Variants in LOXL4 observed in about 807,000 individuals in gnomAD.
LOXL4 encodes the protein lysyl oxidase homolog 4.
A neutral mutation model predicts 89.1 loss-of-function variants in LOXL4; 72 were observed. The ratio of observed to expected loss-of-function variants is 0.81; its 90% CI spans 0.67 to 0.98. The LOEUF (loss-of-function observed/expected upper bound fraction) is 0.98. Ranked by LOEUF, LOXL4 falls within the 50% of genes least tolerant of loss-of-function variation. The pLI, the probability that LOXL4 is intolerant of heterozygous loss-of-function variation, is 0.00. For synonymous variants in LOXL4, 355 were observed against 392.1 expected (o/e 0.91, Z 1.12); for missense variants, 984 against 1,017.5 (o/e 0.97, Z 0.45).
Position 98,256,767 on chromosome 10 carries a change from C to G in LOXL4, c.1428+13G>C. 1 of 1,613,948 alleles carries G rather than the reference C, an allele frequency of 6.2e-7. No homozygotes were observed. Among genetic ancestry groups the G allele is most frequent in the Non-Finnish European group, 8.5e-7 (1 of 1,180,026 alleles). ...GTGAGAGGTCATACGGAAGAAACAACAGAGGGACCTACCTTGTAGGCATGG... is the reference window on the plus strand; with the variant it reads ...GTGAGAGGTCATACGGAAGAAACAAGAGAGGGACCTACCTTGTAGGCATGG... On this transcript the variant is annotated intron_variant, in intron 9 of 14. Coordinates refer to ENST00000260702, the MANE Select transcript of LOXL4 (RefSeq NM_032211.7).
chr10:98,254,898 A>G (rs1260312492), intron 10 of LOXL4, among the ~76,000 whole-genome samples: 1 of 152,216 alleles, frequency 6.6e-6, no homozygotes, highest in Non-Finnish European at 1.5e-5. Context: ...ACAAAGATGA[A>G]GGATATCTTG....
intron 1 of LOXL4, among the ~76,000 whole-genome samples, chr10:98,267,397 G>A (rs1249295248): frequency 3.9e-5 from 6 of 152,198 alleles, no homozygotes; most frequent in Admixed American, 3.9e-4. Flanking sequence ...AGGAGATGCT[G>A]GGACCTGGCC....
chr10:98,261,247 C>A, intron 3 of LOXL4, 120 bp from the exon 4 acceptor site: 1 of 1,049,504 alleles, frequency 9.5e-7, no homozygotes, highest in Non-Finnish European at 1.4e-6. Flanking sequence ...CCACCCAGCC[C>A]GGTCATTGAA....
intron 12 of LOXL4, 124 bp from the exon 13 acceptor site, chr10:98,251,826 T>C (rs1858201989): frequency 3.3e-6 from 4 of 1,202,910 alleles, no homozygotes; most frequent in Non-Finnish European, 4.6e-6. Context: ...AGAGCTAGAA[T>C]CCTGCTGTGA....
At chr10:98,260,065 AAC>A (rs1037766425) in intron 4 of LOXL4, among the ~76,000 whole-genome samples, 18 of 152,304 alleles carry the variant, frequency 1.2e-4, no homozygotes, top group Admixed American at 1.2e-3. Flanking sequence ...CTTGATGGGA[AAC>A]ACACAAGTCC....
intron 4 of LOXL4, 29 bp from the exon 5 acceptor site, chr10:98,259,458 G>A (rs758924358): frequency 6.2e-7 from 1 of 1,608,698 alleles, no homozygotes; most frequent in Non-Finnish European, 8.5e-7. Flanking sequence ...GATAGGAGGT[G>A]GAAGGGGTGT....
intron 7 of LOXL4, 71 bp from the exon 8 acceptor site, chr10:98,257,875 CAG>C (rs1372566530): frequency 3.8e-6 from 6 of 1,575,286 alleles, no homozygotes; most frequent in East Asian, 2.2e-5. Flanking sequence ...TTCCCCTTCA[CAG>C]AGGGGGATAA....
chr10:98,253,494 C>G, intron 11 of LOXL4, 59 bp downstream of exon 11: 2 of 1,610,522 alleles, frequency 1.2e-6, no homozygotes. Context: ...CCAAACTGCT[C>G]CCTGGACCCT....
At position 98,263,716 on chromosome 10, in the gene LOXL4, TTTTC is replaced by T. The variant is rs1241943858; in HGVS notation, c.-32-669_-32-666del. On this transcript the variant is annotated intron_variant, in intron 1 of 14. Transcript: ENST00000260702. ...TCTAGGTCCTGACTCTTTCTTTCTT[TTTTC>T]TTTCTTTCTTTCTTTTTTTTTTTTT... Among the ~76,000 whole-genome samples the T allele has an allele frequency of 3.6e-4, 54 of 151,570 alleles. No homozygotes were observed. In the South Asian group the frequency reaches 3.8e-3, roughly 11 times the overall value.
chr10:98,267,875 G>A (rs1858718155), intron 1 of LOXL4, among the ~76,000 whole-genome samples: 1 of 152,136 alleles, frequency 6.6e-6, no homozygotes. Flanking sequence ...AACAAGACAC[G>A]CAGGCACCCC....
rs148260647 is a variant in LOXL4 at position 98,253,661 on chromosome 10, T to G, written c.1727A>C (p.Tyr576Ser). The change falls in exon 11 of 15, where the codon TAC (tyrosine) becomes TCC (serine). Residue 576 changes from tyrosine to serine, a missense_variant. Tyr to Ser is a moderately radical substitution (Grantham distance 144). Coordinates refer to ENST00000260702, the MANE Select transcript of LOXL4 (RefSeq NM_032211.7). Reference sequence around the variant, plus strand: ...GAAGCGCAATAGGCGGCGGTATCCGTAGGGCCAGTCCATGTGATCCGCAGA... The same window carrying G: ...GAAGCGCAATAGGCGGCGGTATCCGGAGGGCCAGTCCATGTGATCCGCAGA... ...SKSADHMDWP[Y>S]GYRRLLRFST... The G allele has an allele frequency of 2.2e-4, 353 of 1,614,146 alleles. 1 individual carries two copies. The highest frequency in any genetic ancestry group is 4.5e-5 in the East Asian group (2 of 44,898).
At chr10:98,255,187 A>T (rs144168208) in intron 10 of LOXL4, among the ~76,000 whole-genome samples, 1 of 152,152 alleles carries the variant, frequency 6.6e-6, no homozygotes, top group Non-Finnish European at 1.5e-5. Context: ...CAGCTTTCAA[A>T]CTGCTTTTCT....
At chr10:98,261,654 GCA>G (rs1858545701) in intron 3 of LOXL4, among the ~76,000 whole-genome samples, 1 of 152,256 alleles carries the variant, frequency 6.6e-6, no homozygotes, top group Non-Finnish European at 1.5e-5. Context: ...CTGCCTGGCA[GCA>G]GAGCCCTGCC....
chr10:98,259,978 C>T (rs1205831629), intron 4 of LOXL4, among the ~76,000 whole-genome samples: 1 of 152,190 alleles, frequency 6.6e-6, no homozygotes, highest in Admixed American at 6.5e-5. Flanking sequence ...CAACAAGGGC[C>T]TTCTAACCCT....
chr10:98,259,446 CAGAT>C lies in LOXL4; in HGVS notation c.663-21_663-18del, dbSNP rs746767484. On this transcript the variant is annotated intron_variant, in intron 4 of 14. Transcript: ENST00000260702. ...CAGACTTTCCTGTTATGGGAGAAAACAGATAGGAGGTGGAAGGGGTGTGGAAGTC... is the reference window on the plus strand; with the variant it reads ...CAGACTTTCCTGTTATGGGAGAAAACAGGAGGTGGAAGGGGTGTGGAAGTC... 5 of 1,611,890 alleles carry C rather than the reference CAGAT, an allele frequency of 3.1e-6. No individual in the cohort carries two copies. Among genetic ancestry groups the C allele is most frequent in the East Asian group, 2.2e-5 (1 of 44,878 alleles).
chr10:98,266,533 G>C (rs1858692433), intron 1 of LOXL4, among the ~76,000 whole-genome samples: 1 of 152,104 alleles, frequency 6.6e-6, no homozygotes, highest in South Asian at 2.1e-4. Context: ...GCATGGGAGG[G>C]CTTCTGCTGT....
rs775011023 is a variant in LOXL4 at position 98,253,611 on chromosome 10, G to A, written c.1777C>T (p.Arg593Trp). The part of the protein sequence containing the change: ...RFSTQIYNLG[R>W]TDFRPKTGRD... ...CCAGTCTTTGGACGAAAGTCAGTCC[G>A]GCCCAGATTGTAGATCTGTGTGGAG... is the stretch of plus-strand genomic sequence containing the variant. The change falls in exon 11 of 15, where the codon CGG (arginine) becomes TGG (tryptophan). Residue 593 changes from arginine to tryptophan, a missense_variant. Coordinates refer to ENST00000260702, the MANE Select transcript of LOXL4 (RefSeq NM_032211.7). 3.5e-5 allele frequency: 57 copies of A among 1,614,158 alleles called. No homozygotes were observed. The Middle Eastern group carries it at 4.9e-4, about 14-fold the overall frequency.
At position 98,251,172 on chromosome 10, in the gene LOXL4, A is replaced by G. The variant is rs1858182466; in HGVS notation, c.2093T>C (p.Ile698Thr). 19 of 1,611,852 alleles carry G rather than the reference A, an allele frequency of 1.2e-5. No homozygotes were observed. The East Asian group carries it at 4.0e-4, about 34-fold the overall frequency. Reference sequence around the variant, plus strand: ...TGCCACTTCATAGTGGGGGTTCACAATCACCTAGAGTGAAAGAGGGGACAA... The same window carrying G: ...TGCCACTTCATAGTGGGGGTTCACAGTCACCTAGAGTGAAAGAGGGGACAA... ...VGPGNYIFQV[I>T]VNPHYEVAES... The change falls in exon 14 of 15, where the codon ATT (isoleucine) becomes ACT (threonine). Residue 698 changes from isoleucine to threonine, a missense_variant. Physicochemically the swap from Ile to Thr is moderately conservative, Grantham distance 89. Coordinates refer to ENST00000260702, the MANE Select transcript of LOXL4 (RefSeq NM_032211.7).
At chr10:98,258,508 T>C (rs952922074) in intron 6 of LOXL4, among the ~76,000 whole-genome samples, 3 of 148,842 alleles carry the variant, frequency 2.0e-5, no homozygotes, top group Non-Finnish European at 4.5e-5. Flanking sequence ...GGCACTAAGG[T>C]ATCTGTACCA....
Sources: gnomAD v4.1 joint callset for allele counts (sites outside exome capture counted in the v4.1 genomes callset) on GRCh38, gnomAD v4.1.1 for gene constraint, MANE v1.5 for transcripts, NCBI Gene and HGNC (gene_info 2026-07-23, HGNC 2026-07-21) for gene names.